ZNF248: variants seen among roughly 807,000 people sequenced by gnomAD.
ZNF248 encodes zinc finger protein 248, also known as KRAB protein domain.
In ZNF248, 20 loss-of-function variants were observed where a neutral mutation model predicts 44.3. The observed-to-expected ratio is 0.45, with a 90% CI of 0.32 to 0.66. The LOEUF (loss-of-function observed/expected upper bound fraction) is 0.66. Ranked by LOEUF, ZNF248 falls within the 30% of genes least tolerant of loss-of-function variation. The pLI is 0.04. For synonymous variants in ZNF248, 224 were observed against 229.0 expected, an observed-to-expected ratio of 0.98 and a Z score of 0.20; for missense variants, 654 against 677.0, an observed-to-expected ratio of 0.97 and a Z score of 0.38.
chr10:37,828,678 T>C, downstream of ZNF248: 1 of 985,246 alleles, frequency 1.0e-6, no homozygotes, highest in Non-Finnish European at 1.2e-6. Context: ...CATTGAGCAG[T>C]CAAAAGCAAT....
chr10:37,824,736 G>C (rs1301108434), downstream of ZNF248, among the ~76,000 whole-genome samples: 1 of 120,022 alleles, frequency 8.3e-6, no homozygotes, highest in Non-Finnish European at 1.6e-5. Context: ...GGCTGGAGTG[G>C]AGCGGCGCGA....
chr10:37,795,637 G>A (rs938014071), intron 6 of ZNF248: 4 of 152,042 alleles, frequency 2.6e-5, no homozygotes, highest in Non-Finnish European at 2.9e-5. Context: ...CATTTTGATT[G>A]TATTCATGAG....
chr10:37,856,921 A>T (rs576141055), intron 1 of ZNF248: 1 of 166,294 alleles, frequency 6.0e-6, no homozygotes, highest in Non-Finnish European at 1.2e-5. Flanking sequence ...CACCTCCTCA[A>T]ACTCAATTTT....
At position 37,831,493 on chromosome 10, in the gene ZNF248, A is replaced by G; in HGVS notation, c.*122T>C. The G allele has an allele frequency of 6.8e-7, 1 of 1,463,326 alleles. No homozygotes were observed. Among genetic ancestry groups the G allele is most frequent in the Non-Finnish European group, 9.0e-7 (1 of 1,109,332 alleles). 90.6% of individuals were successfully genotyped at this position (1,463,326 alleles called of 1,614,324 possible). ...ATGAAAAGTTTTAATTTTTCTTGAAAGCTTTTACATATTCAAACAAGAAGT... is the reference window on the plus strand; with the variant it reads ...ATGAAAAGTTTTAATTTTTCTTGAAGGCTTTTACATATTCAAACAAGAAGT... On this transcript the variant is annotated 3_prime_UTR_variant, in exon 6 of 6. Transcript: ENST00000395867.
chr10:37,842,500 G>A (rs1196678796), intron 3 of ZNF248, among the ~76,000 whole-genome samples: 3 of 152,140 alleles, frequency 2.0e-5, no homozygotes, highest in African/African-American at 2.4e-5. Flanking sequence ...GCCTTGAGAC[G>A]GCAGACCGCA....
At chr10:37,837,786 G>T in intron 4 of ZNF248, 74 bp from the exon 5 acceptor site, 1 of 1,431,330 alleles carries the variant, frequency 7.0e-7, no homozygotes, top group Non-Finnish European at 9.6e-7. Context: ...TCATGGGGAA[G>T]AAAGGCACAG....
chr10:37,832,093 G>A lies in ZNF248; in HGVS notation c.1262C>T (p.Pro421Leu). ...TECGKAFCQK[P>L]HLTNHQRTHT... ...TGTTCGCTGATGGTTGGTCAGGTGT[G>A]GTTTCTGGCAAAAGGCTTTCCCACA... Residue 421 changes from proline (P) to leucine (L), a missense_variant, in exon 6 of 6, where the codon CCA becomes CTA. Physicochemically the swap from Pro to Leu is moderately conservative, Grantham distance 98. Transcript: ENST00000395867. The A allele has an allele frequency of 6.2e-7, 1 of 1,613,938 alleles. No homozygotes were observed. The highest frequency in any genetic ancestry group is 8.5e-7 in the Non-Finnish European group (1 of 1,179,940).
intron 6 of ZNF248, among the ~76,000 whole-genome samples, chr10:37,805,953 T>C (rs901956996): frequency 6.6e-6 from 1 of 152,190 alleles, no homozygotes; most frequent in Non-Finnish European, 1.5e-5. Context: ...ATATGAACAT[T>C]TGTGTACAAG....
intron 6 of ZNF248, among the ~76,000 whole-genome samples, chr10:37,779,430 T>C (rs975886674): frequency 5.9e-5 from 9 of 152,076 alleles, no homozygotes; most frequent in Non-Finnish European, 8.8e-5. Flanking sequence ...ATTATCTCAA[T>C]AGATGCAGAA....
chr10:37,827,898 T>C (rs1365571046), downstream of ZNF248, among the ~76,000 whole-genome samples: 4 of 152,112 alleles, frequency 2.6e-5, no homozygotes, highest in African/African-American at 9.7e-5. Context: ...AATTTCAAGA[T>C]GGAAAGTAGG....
intron 6 of ZNF248, among the ~76,000 whole-genome samples, chr10:37,790,590 G>A (rs942749286): frequency 6.6e-6 from 1 of 151,566 alleles, no homozygotes; most frequent in Non-Finnish European, 1.5e-5. Context: ...CACGCCTGTA[G>A]TCTCAGCTAC....
In ZNF248 at chr10:37,831,006, A is replaced by AT. The variant is rs1469066362; in HGVS notation, c.*608dup. On this transcript the variant is annotated 3_prime_UTR_variant, in exon 6 of 6. Coordinates refer to ENST00000395867, the MANE Select transcript of ZNF248 (RefSeq NM_021045.3). ...TGAGGTTATACTAGCACATCACTAT[A>AT]TTTAAGTATGTGTGTAGAAATATAT... 4.8e-6 allele frequency: 4 copies of AT among 835,404 alleles called. No individual in the cohort carries two copies. Among genetic ancestry groups the AT allele is most frequent in the Admixed American group, 4.4e-5 (1 of 22,502 alleles). 51.7% of individuals were successfully genotyped at this position (835,404 alleles called of 1,614,324 possible).
Position 37,830,185 on chromosome 10 carries a change from T to TA in ZNF248, c.*1429dup. 1 of 985,450 alleles carries TA rather than the reference T, an allele frequency of 1.0e-6. No individual in the cohort carries two copies. Among genetic ancestry groups the TA allele is most frequent in the Non-Finnish European group, 1.2e-6 (1 of 829,934 alleles). The allele number at this position is 985,450 out of a possible 1,614,324, so 61.0% of individuals were successfully genotyped here. ...CGCCACTTTTTGAGGAGTGCAGTGT[T>TA]ACTGCTTGTTAACCTTTGCATAATT... On this transcript the variant is annotated 3_prime_UTR_variant, in exon 6 of 6. Transcript: ENST00000395867.
At chr10:37,824,673 A>ATTTTTTTTTTTTTTT (rs755411927), downstream of ZNF248, among the ~76,000 whole-genome samples, 1,027 of 79,714 alleles carry the variant, frequency 0.013, 197 homozygotes, top group Non-Finnish European at 0.016. Context: ...ATTATTTTAA[A>ATTTTTTTTTTTTTTT]TTTTTTTTTT....
chr10:37,760,894 CAAA>C, the ZNF248 span, among the ~76,000 whole-genome samples: 1 of 152,212 alleles, frequency 6.6e-6, no homozygotes, highest in African/African-American at 2.4e-5. Context: ...TGAGCACAAA[CAAA>C]GAAATCAGTG....
chr10:37,850,148 C>G (rs1027606845), intron 3 of ZNF248, among the ~76,000 whole-genome samples: 1 of 152,196 alleles, frequency 6.6e-6, no homozygotes, highest in African/African-American at 2.4e-5. Context: ...GAGCCTAAAG[C>G]TCCTTGTATA....
chr10:37,850,115 C>T (rs1184758348), intron 3 of ZNF248, among the ~76,000 whole-genome samples: 1 of 152,100 alleles, frequency 6.6e-6, no homozygotes, highest in East Asian at 1.9e-4. Flanking sequence ...TTGTTTTCCT[C>T]TACCCCAAAT....
intron 6 of ZNF248, among the ~76,000 whole-genome samples, chr10:37,779,414 C>A (rs2047008976): frequency 1.3e-5 from 2 of 151,986 alleles, no homozygotes; most frequent in South Asian, 4.1e-4. Context: ...AGACAAAAAC[C>A]ACATGATTAT....
At chr10:37,787,292 T>A (rs576604870) in intron 6 of ZNF248, among the ~76,000 whole-genome samples, 34 of 151,116 alleles carry the variant, frequency 2.2e-4, no homozygotes, top group South Asian at 6.3e-4. Context: ...ACAAAAAAAA[T>A]AATAATAATA....
Sources: allele counts gnomAD v4.1 joint callset (sites outside exome capture counted in the v4.1 genomes callset), GRCh38; gene constraint gnomAD v4.1.1; transcripts MANE v1.5; gene names NCBI Gene and HGNC (gene_info 2026-07-23, HGNC 2026-07-21).